ALPK2: variants seen among roughly 807,000 people sequenced by gnomAD.
ALPK2 encodes alpha-protein kinase 2.
In ALPK2, 127 loss-of-function variants were observed where a neutral mutation model predicts 163.1. The ratio of observed to expected loss-of-function variants is 0.78; its 90% CI spans 0.67 to 0.90. The LOEUF (loss-of-function observed/expected upper bound fraction) is 0.90. ALPK2 is among the 40% of genes least tolerant of loss of function. ALPK2 has a pLI of 0.00. For synonymous variants in ALPK2, 953 were observed against 959.1 expected (o/e 0.99, Z 0.12); for missense variants, 2,360 against 2,589.6 (o/e 0.91, Z 1.92).
At chr18:58,520,586 A>C (rs1002934292) in intron 8 of ALPK2, among the ~76,000 whole-genome samples, 2 of 152,172 alleles carry the variant, frequency 1.3e-5, no homozygotes, top group African/African-American at 2.4e-5. Context: ...CAGAGAAACC[A>C]TGTGGATACC....
chr18:58,540,066 G>A (rs2051682411), intron 4 of ALPK2, among the ~76,000 whole-genome samples: 1 of 152,228 alleles, frequency 6.6e-6, no homozygotes, highest in Admixed American at 6.5e-5. Context: ...ACTAGGGAGT[G>A]TTTTAGATAA....
chr18:58,543,900 A>C (rs1248273154), intron 4 of ALPK2, among the ~76,000 whole-genome samples: 2 of 152,104 alleles, frequency 1.3e-5, no homozygotes, highest in Non-Finnish European at 2.9e-5. Context: ...GTTGGAATAA[A>C]CCTCACCTCA....
Position 58,579,288 on chromosome 18 carries a change from C to T in ALPK2, c.1488G>A (p.Met496Ile). Residue 496 changes from methionine to isoleucine, a missense_variant, in exon 4 of 13, where the codon ATG becomes ATA. Coordinates refer to ENST00000361673, the MANE Select transcript of ALPK2 (RefSeq NM_052947.4). ...TTTCTGACTCACCAGACAAGAGCTTCATCTCTGTCTCTCTTACTGATTCAT... is the reference window on the plus strand; with the variant it reads ...TTTCTGACTCACCAGACAAGAGCTTTATCTCTGTCTCTCTTACTGATTCAT... ...NMDESVRETE[M>I]KLLSGESENS... The T allele has an allele frequency of 6.2e-7, 1 of 1,614,198 alleles. No individual in the cohort carries two copies. The highest frequency in any genetic ancestry group is 1.6e-4 in the Middle Eastern group (1 of 6,062).
chr18:58,543,180 G>A (rs1331626800), intron 4 of ALPK2, among the ~76,000 whole-genome samples: 2 of 152,164 alleles, frequency 1.3e-5, no homozygotes, highest in African/African-American at 4.8e-5. Context: ...TCTGCCTTGG[G>A]ACTCTGCAGA....
At chr18:58,567,313 G>A (rs2051860609) in intron 4 of ALPK2, among the ~76,000 whole-genome samples, 1 of 152,086 alleles carries the variant, frequency 6.6e-6, no homozygotes, top group Non-Finnish European at 1.5e-5. Flanking sequence ...GAACCTGGGA[G>A]GCGGAGGTTG....
At chr18:58,582,846 T>C (rs528252867) in intron 3 of ALPK2, among the ~76,000 whole-genome samples, 5 of 152,232 alleles carry the variant, frequency 3.3e-5, no homozygotes, top group East Asian at 3.9e-4. Context: ...ATTTTCTGAT[T>C]GGTAATTGGT....
chr18:58,612,159 C>T (rs187028184), intron 1 of ALPK2, among the ~76,000 whole-genome samples: 2 of 152,262 alleles, frequency 1.3e-5, no homozygotes, highest in African/African-American at 2.4e-5. Flanking sequence ...TTAAGAACCA[C>T]GAATCCTATT....
chr18:58,579,156 C>T lies in ALPK2; in HGVS notation c.1620G>A (p.Pro540=), dbSNP rs376599877. ...GCTTCTTGGGATTTCCCTTCATTCC[C>T]GGCTGCCTCACCCTGGCAGATTTCC... ...GSRKSARVRQ[P]GMKGNPKKPN... is the part of the protein sequence containing the mutation. Residue 540 remains proline, a synonymous_variant, in exon 4 of 13, where the codon CCG becomes CCA. Transcript: ENST00000361673. The T allele has an allele frequency of 2.9e-5, 47 of 1,614,148 alleles. No individual in the cohort carries two copies. The East Asian group carries it at 5.1e-4, about 18-fold the overall frequency.
In ALPK2 at chr18:58,535,788, T is replaced by C. The variant is rs1367553429; in HGVS notation, c.4399A>G (p.Ile1467Val). 6 of 1,614,128 alleles carry C rather than the reference T, an allele frequency of 3.7e-6. No homozygotes were observed. The highest frequency in any genetic ancestry group is 5.1e-6 in the Non-Finnish European group (6 of 1,180,042). The change falls in exon 5 of 13, where the codon ATC becomes GTC. Residue 1467 changes from isoleucine to valine, a missense_variant. Ile to Val is a conservative substitution (Grantham distance 29). Coordinates refer to ENST00000361673, the MANE Select transcript of ALPK2 (RefSeq NM_052947.4). ...ATACTGCCTTCTTGGCTTCTGCTGATTCTATTTTCACTCAGAATGGTTCCC... is the reference window on the plus strand; with the variant it reads ...ATACTGCCTTCTTGGCTTCTGCTGACTCTATTTTCACTCAGAATGGTTCCC... ...LQGTILSENRISRSQEGSMKQ... is the reference protein window; with the variant it reads ...LQGTILSENRVSRSQEGSMKQ...
At chr18:58,514,258 T>G (rs2051509432) in intron 10 of ALPK2, among the ~76,000 whole-genome samples, 1 of 152,242 alleles carries the variant, frequency 6.6e-6, no homozygotes, top group Non-Finnish European at 1.5e-5. Context: ...ATTTTGTGAG[T>G]TAACAGGTGC....
chr18:58,566,966 A>G (rs1178093975), intron 4 of ALPK2, among the ~76,000 whole-genome samples: 1 of 152,118 alleles, frequency 6.6e-6, no homozygotes, highest in African/African-American at 2.4e-5. Flanking sequence ...TTTAATGCCC[A>G]AGAGAATCCT....
chr18:58,558,321 CATT>C (rs1602217800), intron 4 of ALPK2, among the ~76,000 whole-genome samples: 1 of 152,146 alleles, frequency 6.6e-6, no homozygotes, highest in Admixed American at 6.5e-5. Flanking sequence ...TAAAATATCT[CATT>C]AACAATTTTT....
intron 12 of ALPK2, among the ~76,000 whole-genome samples, chr18:58,490,969 CGAATT>C (rs1442306291): frequency 6.6e-6 from 1 of 152,256 alleles, no homozygotes; most frequent in Admixed American, 6.5e-5. Flanking sequence ...GAAATGGAAA[CGAATT>C]GAAGACAAAG....
At chr18:58,607,520 A>G in intron 2 of ALPK2, 81 bp from the exon 3 acceptor site, 2 of 864,174 alleles carry the variant, frequency 2.3e-6, no homozygotes, top group Non-Finnish European at 3.5e-6. Flanking sequence ...GCTATGAACA[A>G]GGATGGACAG....
intron 2 of ALPK2, among the ~76,000 whole-genome samples, chr18:58,609,690 T>C (rs1201212498): frequency 2.0e-5 from 3 of 152,126 alleles, no homozygotes; most frequent in Admixed American, 1.3e-4. Flanking sequence ...TTGTGGGTGG[T>C]TCTCTTTTCT....
intron 4 of ALPK2, among the ~76,000 whole-genome samples, chr18:58,568,456 C>T (rs2051867977): frequency 6.6e-6 from 1 of 152,116 alleles, no homozygotes; most frequent in Non-Finnish European, 1.5e-5. Context: ...ATATGGGCTC[C>T]AGGACTCTCA....
rs753524863 is a variant in ALPK2, at chr18:58,517,044, C to T, written c.5804G>A (p.Arg1935His). Residue 1935 changes from arginine to histidine, a missense_variant, in exon 9 of 13, where the codon CGC (arginine) becomes CAC (histidine). Coordinates refer to ENST00000361673, the MANE Select transcript of ALPK2 (RefSeq NM_052947.4). The part of the protein sequence containing the change: ...FGEGVHRKAF[R>H]STVMHGLMPV... ...CATGAGGCCGTGCATCACTGTGCTG[C>T]GGAAGGCTTTGCGGTGAACCCCTTC... The T allele has an allele frequency of 1.4e-5, 22 of 1,614,240 alleles. No individual in the cohort carries two copies. The highest frequency in any genetic ancestry group is 3.3e-5 in the South Asian group (3 of 91,086).
In ALPK2 at chr18:58,578,734, A is replaced by ACACACACACGCGCGCGCGCGCGCG. The variant is rs745812070; in HGVS notation, c.1962+79_1962+80insCGCGCGCGCGCGCGCGTGTGTGTG. 3.3e-5 allele frequency: 13 copies of ACACACACACGCGCGCGCGCGCGCG among 396,684 alleles called. No homozygotes were observed. The African/African-American group carries it at 5.2e-4, about 16-fold the overall frequency. The allele number at this position is 396,684 out of a possible 1,614,324, so 24.6% of individuals were successfully genotyped here. A position where few individuals can be genotyped will look rare whatever the true frequency, so the allele number is the denominator to read the frequency against. On this transcript the variant is annotated intron_variant, in intron 4 of 12. Transcript: ENST00000361673. ...TTGTGAATGTGAAGTAAAGGAAGAG[A>ACACACACACGCGCGCGCGCGCGCG]CACACACACACACACACACACACAC... is the stretch of plus-strand genomic sequence containing the variant.
chr18:58,573,860 A>G (rs7228628), intron 4 of ALPK2, among the ~76,000 whole-genome samples: 56,925 of 151,680 alleles, frequency 0.38, 10,693 homozygotes, highest in East Asian at 0.42. Flanking sequence ...GCACCATGCA[A>G]GATCTCAGTC....
Sources: allele counts gnomAD v4.1 joint callset (sites outside exome capture counted in the v4.1 genomes callset), GRCh38; gene constraint gnomAD v4.1.1; transcripts MANE v1.5; gene names NCBI Gene and HGNC (gene_info 2026-07-23, HGNC 2026-07-21).